Variants in MYO18B observed in about 807,000 individuals in gnomAD.
The protein encoded by MYO18B is myosin XVIIIB, also known as unconventional myosin-XVIIIb.
MYO18B carries 204 observed loss-of-function variants against 273.0 expected under a neutral mutation model. The observed-to-expected ratio is 0.75, with a 90% CI of 0.67 to 0.84. MYO18B has a LOEUF of 0.84. Among genes scored for constraint, MYO18B ranks in the 40% least tolerant of loss-of-function variants. MYO18B has a pLI of 0.00. For synonymous variants in MYO18B, 1,330 were observed against 1,305.7 expected, an observed-to-expected ratio of 1.02 and a Z score of -0.40; for missense variants, 3,212 against 3,287.6, an observed-to-expected ratio of 0.98 and a Z score of 0.56.
At position 25,788,974 on chromosome 22, in the gene MYO18B, G is replaced by A. The variant is rs530231982; in HGVS notation, c.2376+3483G>A. On this transcript the variant is annotated intron_variant, in intron 11 of 43. Transcript: ENST00000335473. ...TTGACCTCAAATGAAATGAGATAAA[G>A]CCAATGAAGTACTTCGGCAGTGCCT... is the stretch of plus-strand genomic sequence containing the variant. Among the ~76,000 whole-genome samples the A allele has an allele frequency of 8.5e-5, 13 of 152,308 alleles. No individual in the cohort carries two copies. The South Asian group carries it at 1.4e-3, about 17-fold the overall frequency.
intron 15 of MYO18B, among the ~76,000 whole-genome samples, chr22:25,829,522 T>TAAAAAAAA (rs55957728): frequency 7.2e-6 from 1 of 139,388 alleles, no homozygotes. Context: ...TCTTTTTTCA[T>TAAAAAAAA]AAAAAAAAAA....
At position 26,026,450 on chromosome 22, in the gene MYO18B, A is replaced by G. The variant is rs1405470158; in HGVS notation, c.6476A>G (p.Asn2159Ser). 2 of 1,605,158 alleles carry G rather than the reference A, an allele frequency of 1.2e-6. No individual in the cohort carries two copies. The highest frequency in any genetic ancestry group is 1.7e-6 in the Non-Finnish European group (2 of 1,175,166). The change falls in exon 43 of 44, where the codon AAC becomes AGC. Residue 2159 changes from asparagine to serine, a missense_variant. Physicochemically the swap from Asn to Ser is conservative, Grantham distance 46 (BLOSUM62 1). Coordinates refer to ENST00000335473, the MANE Select transcript of MYO18B (RefSeq NM_032608.7). ...TSSRILSPRI[N>S]EEAGDTERTQ... ...CATTTTTCTTCTTGGCACAGGATAA[A>G]CGAAGAGGCTGGGGACACTGAGAGG...
intron 17 of MYO18B, among the ~76,000 whole-genome samples, chr22:25,842,698 A>G (rs2090121768): frequency 6.7e-6 from 1 of 149,870 alleles, no homozygotes; most frequent in South Asian, 2.1e-4. Context: ...AAAAAAATTC[A>G]TCTGGGGCCA....
chr22:25,824,921 C>CACACACAT (rs2145899717), intron 13 of MYO18B, among the ~76,000 whole-genome samples: 1 of 74,016 alleles, frequency 1.4e-5, no homozygotes, highest in African/African-American at 6.2e-5. Context: ...ACCACGGAAT[C>CACACACAT]ACACACATGC....
At chr22:25,753,234 G>A (rs561936184) in intron 1 of MYO18B, among the ~76,000 whole-genome samples, 1 of 150,938 alleles carries the variant, frequency 6.6e-6, no homozygotes, top group South Asian at 2.1e-4. Flanking sequence ...GGCAGGGGCG[G>A]GTGTGGGGGG....
At chr22:25,948,451 C>CTTTCTTTCT in intron 36 of MYO18B, among the ~76,000 whole-genome samples, 2 of 99,104 alleles carry the variant, frequency 2.0e-5, no homozygotes, top group African/African-American at 9.2e-5. Context: ...TCCTTCCTTC[C>CTTTCTTTCT]TTCCTTCCTT....
At chr22:25,960,363 G>C (rs1224019440) in intron 39 of MYO18B, among the ~76,000 whole-genome samples, 1 of 152,172 alleles carries the variant, frequency 6.6e-6, no homozygotes, top group African/African-American at 2.4e-5. Flanking sequence ...TAATCAAGGG[G>C]TGCCTGAGGA....
At chr22:25,845,743 T>TAGG (rs1364818353) in intron 18 of MYO18B, among the ~76,000 whole-genome samples, 1 of 152,210 alleles carries the variant, frequency 6.6e-6, no homozygotes, top group African/African-American at 2.4e-5. Flanking sequence ...AGGCCTGGTC[T>TAGG]AGGAATAGCA....
At position 25,846,170 on chromosome 22, in the gene MYO18B, G is replaced by C. The variant is rs1355956400; in HGVS notation, c.3439G>C (p.Glu1147Gln). The C allele has an allele frequency of 6.2e-7, 1 of 1,611,362 alleles. No individual in the cohort carries two copies. The highest frequency in any genetic ancestry group is 1.3e-5 in the African/African-American group (1 of 75,022). The change falls in exon 19 of 44, where the codon GAG (glutamate) becomes CAG (glutamine). Residue 1147 changes from glutamate (E) to glutamine (Q), a missense_variant. Physicochemically the swap from Glu to Gln is conservative, Grantham distance 29. Transcript: ENST00000335473. Reference sequence around the variant, plus strand: ...TGTGTGCCGGGCTGTGGCAGGCCTGGAGGGCACCTCCCAGCAGGCCCTGCA... The same window carrying C: ...TGTGTGCCGGGCTGTGGCAGGCCTGCAGGGCACCTCCCAGCAGGCCCTGCA... The part of the protein sequence containing the change: ...PPVCRAVAGL[E>Q]GTSQQALQRS...
rs200004916 is a variant in MYO18B, at chr22:25,970,947, A to AT, written c.6156+15587dup. Among the ~76,000 whole-genome samples, 668 of 152,204 alleles carry AT rather than the reference A, an allele frequency of 4.4e-3. 9 individuals carry two copies. Among genetic ancestry groups the AT allele is most frequent in the South Asian group, 0.026 (125 of 4,810 alleles). ...GGAAAGGAACTCAAGAAATAAGATG[A>AT]TTTTCGGTTTTTGCTTCTTTCTGAG... On this transcript the variant is annotated intron_variant, in intron 39 of 43. Transcript: ENST00000335473.
chr22:25,761,260 C>T, intron 2 of MYO18B, 129 bp downstream of exon 2: 13 of 1,052,378 alleles, frequency 1.2e-5, no homozygotes, highest in Non-Finnish European at 1.4e-5. Flanking sequence ...CATGTGCAAT[C>T]CCACCTTCAA....
chr22:26,005,554 C>T (rs1244899906), intron 42 of MYO18B, among the ~76,000 whole-genome samples: 3 of 152,146 alleles, frequency 2.0e-5, no homozygotes, highest in Non-Finnish European at 2.9e-5. Flanking sequence ...CTTTTCAGCT[C>T]CATTTCTCTG....
At chr22:25,803,259 G>A (rs187661765) in intron 12 of MYO18B, among the ~76,000 whole-genome samples, 3 of 152,278 alleles carry the variant, frequency 2.0e-5, no homozygotes, top group South Asian at 4.1e-4. Context: ...CACCACGCCT[G>A]GCTGTGACTA....
chr22:25,917,778 G>T (rs5761313), intron 33 of MYO18B, among the ~76,000 whole-genome samples: 57,705 of 151,866 alleles, frequency 0.38, 11,443 homozygotes, highest in Non-Finnish European at 0.42. Context: ...TGGATAGATT[G>T]ATGTTTTCTA....
intron 34 of MYO18B, among the ~76,000 whole-genome samples, chr22:25,925,372 T>C (rs1297848576): frequency 1.3e-5 from 2 of 152,198 alleles, no homozygotes; most frequent in African/African-American, 4.8e-5. Flanking sequence ...TGGTAGCATG[T>C]ATATTTTGCA....
At chr22:25,862,881 A>G (rs1026874140) in intron 21 of MYO18B, among the ~76,000 whole-genome samples, 6 of 151,336 alleles carry the variant, frequency 4.0e-5, no homozygotes, top group African/African-American at 1.5e-4. Context: ...GTTTCTAGCC[A>G]TCATTTTTCA....
rs751885937 is a variant in MYO18B, at chr22:25,828,869, G to A, written c.2880G>A (p.Ala960=). The A allele has an allele frequency of 1.2e-5, 20 of 1,613,854 alleles. No individual in the cohort carries two copies. Among genetic ancestry groups the A allele is most frequent in the African/African-American group, 8.0e-5 (6 of 74,924 alleles). The change falls in exon 15 of 44, where the codon GCG becomes GCA. Residue 960 remains alanine (A), a synonymous_variant. Transcript: ENST00000335473. ...CCCGGCACCAGGGCAAGGACCGGGC[G>A]GCCACCTTTGAGGAGCTGTGCCACA... ...QNPRHQGKDR[A]ATFEELCHNY...
chr22:25,820,533 T>A (rs532625844), intron 12 of MYO18B, among the ~76,000 whole-genome samples: 1 of 144,494 alleles, frequency 6.9e-6, no homozygotes, highest in Non-Finnish European at 1.5e-5. Context: ...AAGAGAGAAC[T>A]TTTTTTAGTT....
the MYO18B span, among the ~76,000 whole-genome samples, chr22:26,061,006 T>TACAC: frequency 6.8e-5 from 8 of 118,142 alleles, no homozygotes; most frequent in Admixed American, 2.4e-4. Context: ...TGCACACACA[T>TACAC]ACACACACAC....
Sources: allele counts gnomAD v4.1 joint callset (sites outside exome capture counted in the v4.1 genomes callset), GRCh38; gene constraint gnomAD v4.1.1; transcripts MANE v1.5; gene names NCBI Gene and HGNC (gene_info 2026-07-23, HGNC 2026-07-21).